The following EED variants were observed in gnomAD, a reference collection of about 807,000 sequenced individuals.
EED encodes embryonic ectoderm development, also known as polycomb protein EED.
Under a neutral mutation model 61.0 loss-of-function variants are expected in EED, and 9 were observed. The ratio of observed to expected loss-of-function variants is 0.15; its 90% CI spans 0.09 to 0.26. The LOEUF is 0.26. Ranked by LOEUF, EED falls within the 10% of genes least tolerant of loss-of-function variation. The pLI, the probability that EED is intolerant of heterozygous loss-of-function variation, is 1.00. For missense variants in EED, 315 were observed against 542.3 expected, an observed-to-expected ratio of 0.58 and a Z score of 4.16; for synonymous variants, 187 against 174.4, an observed-to-expected ratio of 1.07 and a Z score of -0.57.
chr11:86,272,318 G>A (rs373667579), intron 9 of EED, among the ~76,000 whole-genome samples: 5 of 151,394 alleles, frequency 3.3e-5, no homozygotes, highest in East Asian at 2.0e-4. Context: ...TCGGCCTCCC[G>A]ACGTGCTGGG....
chr11:86,249,162 A>G (rs11234591), intron 1 of EED, among the ~76,000 whole-genome samples: 41,186 of 152,094 alleles, frequency 0.27, 6,115 homozygotes, highest in Non-Finnish European at 0.35. Flanking sequence ...TGGAGAGAAA[A>G]AGAGATTAAA....
intron 6 of EED, among the ~76,000 whole-genome samples, chr11:86,259,972 C>G (rs566178266): frequency 6.6e-6 from 1 of 152,260 alleles, no homozygotes; most frequent in East Asian, 1.9e-4. Flanking sequence ...GTCACTAATC[C>G]TAGATGTTTA....
chr11:86,256,569 A>T, intron 5 of EED, 57 bp downstream of exon 5: 1 of 1,437,344 alleles, frequency 7.0e-7, no homozygotes, highest in Non-Finnish European at 9.3e-7. Context: ...AACTGTAAAA[A>T]CTTGTAATGT....
At position 86,244,984 on chromosome 11, in the gene EED, T is replaced by C; in HGVS notation, c.-246T>C. 1 of 377,300 alleles carries C rather than the reference T, an allele frequency of 2.7e-6. No individual in the cohort carries two copies. The highest frequency in any genetic ancestry group is 3.8e-5 in the South Asian group (1 of 26,126). The allele number at this position is 377,300 out of a possible 1,614,324, so 23.4% of individuals were successfully genotyped here. On this transcript the variant is annotated 5_prime_UTR_variant, in exon 1 of 12. Transcript: ENST00000263360. ...CGGCGGGAAAAGGGCAAGACGGGAGTTGGGGAAGGGAAGGAGCCAGGAAGC... is the reference window on the plus strand; with the variant it reads ...CGGCGGGAAAAGGGCAAGACGGGAGCTGGGGAAGGGAAGGAGCCAGGAAGC...
Position 86,250,309 on chromosome 11 carries a change from G to T in EED, c.128G>T (p.Ser43Ile). The T allele has an allele frequency of 6.3e-7, 1 of 1,579,430 alleles. No individual in the cohort carries two copies. The highest frequency in any genetic ancestry group is 8.6e-7 in the Non-Finnish European group (1 of 1,165,960). ...TACTGCTTACAGGATGACGCTGTCA[G>T]TATAGAAAGTGGTACAAACACTGAA... ...LSGDENDDAVSIESGTNTERP... is the reference protein window; with the variant it reads ...LSGDENDDAVIIESGTNTERP... The change falls in exon 2 of 12, where the codon AGT becomes ATT. Residue 43 changes from serine (S) to isoleucine (I), a missense_variant. Transcript: ENST00000263360.
At chr11:86,274,174 C>T (rs1237496635) in intron 9 of EED, among the ~76,000 whole-genome samples, 1 of 148,010 alleles carries the variant, frequency 6.8e-6, no homozygotes, top group African/African-American at 2.5e-5. Context: ...TGACCCTCTT[C>T]TCTTTTGATA....
intron 6 of EED, among the ~76,000 whole-genome samples, chr11:86,258,117 G>T (rs1005481107): frequency 6.6e-6 from 1 of 151,556 alleles, no homozygotes; most frequent in African/African-American, 2.4e-5. Flanking sequence ...CCTCCAGTAG[G>T]CCCCAGTGTA....
At chr11:86,273,473 T>C (rs1946164096) in intron 9 of EED, among the ~76,000 whole-genome samples, 1 of 152,248 alleles carries the variant, frequency 6.6e-6, no homozygotes, top group African/African-American at 2.4e-5. Context: ...GAGAATATTA[T>C]ATTGACTCAT....
chr11:86,285,127 A>G, the EED span, among the ~76,000 whole-genome samples: 2 of 150,704 alleles, frequency 1.3e-5, no homozygotes, highest in South Asian at 4.2e-4. Context: ...GAAAAACCAA[A>G]AAACAGAAAA....
intron 8 of EED, among the ~76,000 whole-genome samples, chr11:86,267,381 A>T (rs888118521): frequency 6.6e-6 from 1 of 152,200 alleles, no homozygotes; most frequent in Non-Finnish European, 1.5e-5. Flanking sequence ...AGGACATATG[A>T]ATTGCCTAAG....
chr11:86,250,526 A>G, intron 2 of EED, 78 bp downstream of exon 2: 1 of 1,381,326 alleles, frequency 7.2e-7, no homozygotes, highest in South Asian at 1.9e-5. Context: ...TTTCGTACTC[A>G]GGATACTCTG....
downstream of EED, among the ~76,000 whole-genome samples, chr11:86,282,780 C>T (rs1391483310): frequency 6.6e-6 from 1 of 152,074 alleles, no homozygotes; most frequent in Non-Finnish European, 1.5e-5. Context: ...TGCTGTAGGG[C>T]GAAAGCAGCC....
chr11:86,261,090 A>G (rs74534104), intron 6 of EED, among the ~76,000 whole-genome samples: 4,759 of 152,168 alleles, frequency 0.031, 238 homozygotes, highest in African/African-American at 0.11. Flanking sequence ...CTAGCCCCCA[A>G]AATTCAAATC....
intron 9 of EED, chr11:86,269,998 C>G: frequency 1.6e-6 from 1 of 609,878 alleles, no homozygotes. Flanking sequence ...GTTTTCATTT[C>G]TCTGGGTAAA....
At chr11:86,287,151 G>T in the EED span, among the ~76,000 whole-genome samples, 1 of 150,390 alleles carries the variant, frequency 6.6e-6, no homozygotes. Context: ...TTCACAACCT[G>T]CCCATGGATC....
At chr11:86,258,857 C>CTATT (rs571173237) in intron 6 of EED, among the ~76,000 whole-genome samples, 2,232 of 149,220 alleles carry the variant, frequency 0.015, 36 homozygotes, top group Admixed American at 0.033. Flanking sequence ...CGTCCTGCCT[C>CTATT]TATTTATTTA....
intron 10 of EED, 75 bp downstream of exon 10, chr11:86,277,213 G>A (rs748282383): frequency 7.4e-7 from 1 of 1,354,014 alleles, no homozygotes; most frequent in Admixed American, 2.2e-5. Flanking sequence ...TTTCTGTTGT[G>A]TCCATGTTCT....
At chr11:86,266,431 G>C (rs764171665) in intron 8 of EED, among the ~76,000 whole-genome samples, 4 of 151,942 alleles carry the variant, frequency 2.6e-5, no homozygotes, top group Admixed American at 1.3e-4. Flanking sequence ...TTTAAATTGT[G>C]TTGTCATCTT....
At position 86,245,071 on chromosome 11, in the gene EED, C is replaced by A. The variant is rs1945352085; in HGVS notation, c.-159C>A. 5.3e-6 allele frequency: 3 copies of A among 566,642 alleles called. No individual in the cohort carries two copies. The highest frequency in any genetic ancestry group is 2.3e-5 in the South Asian group (1 of 44,408). The allele number at this position is 566,642 out of a possible 1,614,324, so 35.1% of individuals were successfully genotyped here. ...CAGTGTGGCGGGGTCGCACGCACGC[C>A]CGCCTCGGCGGCTGGGCGCGATTTG... On this transcript the variant is annotated 5_prime_UTR_variant, in exon 1 of 12. Coordinates refer to ENST00000263360, the MANE Select transcript of EED (RefSeq NM_003797.5).
Sources: gnomAD v4.1 joint callset for allele counts (sites outside exome capture counted in the v4.1 genomes callset) on GRCh38, gnomAD v4.1.1 for gene constraint, MANE v1.5 for transcripts, NCBI Gene and HGNC (gene_info 2026-07-23, HGNC 2026-07-21) for gene names.